The following DTWD2 variants were observed in gnomAD, a reference collection of about 807,000 sequenced individuals.
The protein encoded by DTWD2 is tRNA-uridine aminocarboxypropyltransferase 2.
Under a neutral mutation model 31.8 loss-of-function variants are expected in DTWD2, and 39 were observed. The observed-to-expected ratio is 1.22, with a 90% CI of 0.95 to 1.60. The LOEUF (loss-of-function observed/expected upper bound fraction) is 1.60. DTWD2 is among the 40% of genes most tolerant of loss of function. DTWD2 has a pLI of 0.00. For missense variants in DTWD2, 515 were observed against 381.5 expected (o/e 1.35, Z -2.92); for synonymous variants, 180 against 142.8 (o/e 1.26, Z -1.86).
chr5:118,934,272 T>TAAAAAAAAAAAAAAAAAAAAA, intron 3 of DTWD2, among the ~76,000 whole-genome samples: 1 of 23,562 alleles, frequency 4.2e-5, no homozygotes, highest in South Asian at 2.4e-3. Context: ...TTGTCTCCAT[T>TAAAAAAAAAAAAAAAAAAAAA]AAAAAAAAAA....
intron 1 of DTWD2, among the ~76,000 whole-genome samples, chr5:118,973,427 G>A (rs111982089): frequency 0.028 from 4,211 of 152,248 alleles, 195 homozygotes; most frequent in African/African-American, 0.095. Context: ...GCTTCCTTGA[G>A]GAGCTCTTGT....
intron 5 of DTWD2, among the ~76,000 whole-genome samples, chr5:118,844,985 A>G (rs2112670752): frequency 6.6e-6 from 1 of 152,114 alleles, no homozygotes; most frequent in Admixed American, 6.6e-5. Flanking sequence ...CATCTCTACA[A>G]AAAATACAAA....
intron 1 of DTWD2, among the ~76,000 whole-genome samples, chr5:118,950,366 G>A (rs1187107419): frequency 1.3e-5 from 2 of 152,162 alleles, no homozygotes; most frequent in African/African-American, 4.8e-5. Flanking sequence ...GGAGTGGGTA[G>A]TCTCTGTATT....
intron 4 of DTWD2, among the ~76,000 whole-genome samples, chr5:118,874,205 G>A (rs777932598): frequency 1.3e-5 from 2 of 152,072 alleles, no homozygotes; most frequent in South Asian, 2.1e-4. Context: ...CCCATCCAAG[G>A]GTGAGCAATC....
At position 118,891,219 on chromosome 5, in the gene DTWD2, T is replaced by A. The variant is rs951256400; in HGVS notation, c.597+37318A>T. Among the ~76,000 whole-genome samples the A allele has an allele frequency of 2.6e-5, 4 of 152,262 alleles. 1 individual carries two copies. In the South Asian group the frequency reaches 8.3e-4, roughly 32 times the overall value. On this transcript the variant is annotated intron_variant, in intron 4 of 5. Transcript: ENST00000510708. ...ATTTTTTAGAAAAAAAAAATTTCAT[T>A]ATTAGTATGGCAATGTACTAGAAGG...
At chr5:118,888,062 C>G (rs767798420) in intron 4 of DTWD2, among the ~76,000 whole-genome samples, 4 of 46,334 alleles carry the variant, frequency 8.6e-5, no homozygotes, top group Admixed American at 7.5e-4. Context: ...GACACACTTT[C>G]ATCTGTTCCA....
chr5:118,877,683 G>C (rs1333177006), intron 4 of DTWD2, among the ~76,000 whole-genome samples: 1 of 151,960 alleles, frequency 6.6e-6, no homozygotes, highest in East Asian at 1.9e-4. Context: ...TGACGTCCAG[G>C]CCAGGACAAT....
Position 118,988,294 on chromosome 5 carries a change from C to T in DTWD2, c.218G>A (p.Ser73Asn). 1 of 1,523,118 alleles carries T rather than the reference C, an allele frequency of 6.6e-7. No homozygotes were observed. Among genetic ancestry groups the T allele is most frequent in the Non-Finnish European group, 8.8e-7 (1 of 1,139,940 alleles). The allele number at this position is 1,523,118 out of a possible 1,614,324, so 94.4% of individuals were successfully genotyped here. Residue 73 changes from serine to asparagine, a missense_variant and splice_region_variant, in exon 1 of 6, where the codon AGC becomes AAC. By Grantham distance (46) the Ser-to-Asn change is conservative. Coordinates refer to ENST00000510708, the MANE Select transcript of DTWD2 (RefSeq NM_173666.4). ...AERRPECTRCSRPQKVCLCPF... is the reference protein window; with the variant it reads ...AERRPECTRCNRPQKVCLCPF... ...TCCCCGCCCCCAGCCCCGCGGTCAC[C>T]TGCAGCGGGTGCACTCAGGCCTCCG...
rs902352466 is a variant in DTWD2 at position 118,973,978 on chromosome 5, G to A, written c.218+14316C>T. ...ATGAAGAAGAGGAAGAAGGTGGGGA[G>A]GAAGAGGAGGAGGAAGAAGGTGATG... On this transcript the variant is annotated intron_variant, in intron 1 of 5. Coordinates refer to ENST00000510708, the MANE Select transcript of DTWD2 (RefSeq NM_173666.4). The A allele has an allele frequency of 5.0e-6, 8 of 1,585,160 alleles. No homozygotes were observed. The African/African-American group carries it at 9.4e-5, about 19-fold the overall frequency.
chr5:118,951,011 G>A (rs979879959), intron 1 of DTWD2, among the ~76,000 whole-genome samples: 5 of 152,096 alleles, frequency 3.3e-5, no homozygotes, highest in Non-Finnish European at 7.4e-5. Flanking sequence ...AAGGGTTGTT[G>A]CCAAACAAGC....
chr5:118,875,017 C>T (rs1334120176), intron 4 of DTWD2, among the ~76,000 whole-genome samples: 4 of 152,112 alleles, frequency 2.6e-5, no homozygotes, highest in Admixed American at 6.5e-5. Context: ...AACCTCTCCA[C>T]AGAAACTGTA....
At chr5:118,915,443 C>T (rs111946943) in intron 4 of DTWD2, among the ~76,000 whole-genome samples, 19,003 of 149,846 alleles carry the variant, frequency 0.13, 3,785 homozygotes, top group African/African-American at 0.43. Flanking sequence ...GGCGCAATCT[C>T]GGCTCACTGC....
intron 1 of DTWD2, among the ~76,000 whole-genome samples, chr5:118,985,488 TTTTATA>T (rs377477614): frequency 0.011 from 297 of 27,146 alleles, no homozygotes; most frequent in African/African-American, 0.019. Context: ...TTATGTGCAT[TTTTATA>T]TATATATATA....
chr5:118,871,016 T>C (rs1384146817), intron 4 of DTWD2, among the ~76,000 whole-genome samples: 1 of 151,338 alleles, frequency 6.6e-6, no homozygotes, highest in Non-Finnish European at 1.5e-5. Flanking sequence ...AATTTTAATA[T>C]TCCAAATCTT....
At position 118,919,808 on chromosome 5, in the gene DTWD2, T is replaced by C. The variant is rs777616860; in HGVS notation, c.597+8729A>G. The stretch of plus-strand genomic sequence containing the variant: ...ACCAAAGATCATCTCATATTTATAC[T>C]ATATTTGAAATTTTATTCTCATATA... On this transcript the variant is annotated intron_variant, in intron 4 of 5. Coordinates refer to ENST00000510708, the MANE Select transcript of DTWD2 (RefSeq NM_173666.4). Among the ~76,000 whole-genome samples the C allele has an allele frequency of 1.1e-4, 16 of 152,212 alleles. 1 individual carries two copies. The highest frequency in any genetic ancestry group is 1.6e-4 in the Non-Finnish European group (11 of 68,036).
At chr5:118,862,400 C>T (rs988668511) in intron 4 of DTWD2, among the ~76,000 whole-genome samples, 9 of 152,074 alleles carry the variant, frequency 5.9e-5, no homozygotes, top group African/African-American at 1.9e-4. Context: ...TTTTAGATAC[C>T]TATTCCTAGG....
intron 4 of DTWD2, among the ~76,000 whole-genome samples, chr5:118,916,880 C>T (rs1428915455): frequency 6.6e-6 from 1 of 152,084 alleles, no homozygotes; most frequent in East Asian, 1.9e-4. Context: ...ATGTCACTAA[C>T]TCTGGATCAG....
chr5:118,935,958 T>C (rs1358739585), intron 3 of DTWD2, among the ~76,000 whole-genome samples: 6 of 152,130 alleles, frequency 3.9e-5, no homozygotes, highest in Non-Finnish European at 7.4e-5. Context: ...CTTGTGCATA[T>C]AGAATATTTA....
At chr5:118,844,466 C>A (rs1257085625) in intron 5 of DTWD2, among the ~76,000 whole-genome samples, 4 of 152,070 alleles carry the variant, frequency 2.6e-5, no homozygotes, top group Non-Finnish European at 5.9e-5. Context: ...AATCTACAGG[C>A]AAAAATTAGA....
Sources: allele counts gnomAD v4.1 joint callset (sites outside exome capture counted in the v4.1 genomes callset), GRCh38; gene constraint gnomAD v4.1.1; transcripts MANE v1.5; gene names NCBI Gene and HGNC (gene_info 2026-07-23, HGNC 2026-07-21).